The following HEXB variants were observed in gnomAD, a reference collection of about 807,000 sequenced individuals.
HEXB encodes the protein beta-hexosaminidase subunit beta.
HEXB carries 51 observed loss-of-function variants against 71.2 expected under a neutral mutation model. The ratio of observed to expected loss-of-function variants is 0.72; its 90% CI spans 0.57 to 0.90. The LOEUF is 0.90. Ranked by LOEUF, HEXB falls within the 40% of genes least tolerant of loss-of-function variation. The pLI is 0.00. For missense variants in HEXB, 617 were observed against 677.0 expected, an observed-to-expected ratio of 0.91 and a Z score of 0.98; for synonymous variants, 266 against 249.3, an observed-to-expected ratio of 1.07 and a Z score of -0.63.
chr5:74,678,818 T>G (rs889312276), intron 1 of HEXB, among the ~76,000 whole-genome samples: 1 of 152,152 alleles, frequency 6.6e-6, no homozygotes, highest in Admixed American at 6.5e-5. Flanking sequence ...CACAGATGGA[T>G]ACTCCATTTA....
chr5:74,657,080 CT>C (rs1267825799), intron 1 of HEXB, among the ~76,000 whole-genome samples: 1 of 152,142 alleles, frequency 6.6e-6, no homozygotes, highest in Non-Finnish European at 1.5e-5. Context: ...ACAGTCACCC[CT>C]GGTCAACACA....
rs1554037336 is a variant in HEXB, at chr5:74,721,192, A to G, written c.*17A>G. The stretch of plus-strand genomic sequence containing the variant: ...AACATGTAAAAAATGGAGGGGAAAA[A>G]GGCCACAGCAATCTGTACTACAATC... On this transcript the variant is annotated 3_prime_UTR_variant, in exon 14 of 14. Coordinates refer to ENST00000261416, the MANE Select transcript of HEXB (RefSeq NM_000521.4). The G allele has an allele frequency of 1.1e-5, 18 of 1,591,112 alleles. No individual in the cohort carries two copies. Among genetic ancestry groups the G allele is most frequent in the Non-Finnish European group, 1.6e-5 (18 of 1,159,196 alleles).
At chr5:74,669,926 T>C (rs1748501302) in intron 1 of HEXB, among the ~76,000 whole-genome samples, 1 of 152,190 alleles carries the variant, frequency 6.6e-6, no homozygotes, top group Admixed American at 6.5e-5. Flanking sequence ...GAACTTCCCA[T>C]GTGCAATACC....
chr5:74,718,747 T>C, intron 10 of HEXB, 50 bp from the exon 11 acceptor site: 1 of 1,543,706 alleles, frequency 6.5e-7, no homozygotes, highest in Non-Finnish European at 9.0e-7. Context: ...TTCAATTTCA[T>C]CTACTGTTCT....
chr5:74,649,738 C>T (rs982550484), intron 1 of HEXB, among the ~76,000 whole-genome samples: 3 of 152,160 alleles, frequency 2.0e-5, no homozygotes, highest in Non-Finnish European at 2.9e-5. Flanking sequence ...TTTTAATCCA[C>T]TTGTACTCTT....
chr5:74,699,310 G>A (rs1036401584), intron 5 of HEXB, among the ~76,000 whole-genome samples: 1 of 151,230 alleles, frequency 6.6e-6, no homozygotes, highest in African/African-American at 2.4e-5. Flanking sequence ...GTCTCGCTGT[G>A]TTACCCAGGC....
intron 11 of HEXB, 64 bp downstream of exon 11, chr5:74,719,035 C>A: frequency 6.7e-7 from 1 of 1,495,946 alleles, no homozygotes. Flanking sequence ...GTGAAGCAAC[C>A]ATTGTTACCT....
intron 1 of HEXB, among the ~76,000 whole-genome samples, chr5:74,668,163 T>C (rs965590436): frequency 3.3e-5 from 5 of 152,208 alleles, no homozygotes; most frequent in Non-Finnish European, 7.3e-5. Flanking sequence ...TCAGGAGAGT[T>C]GCAGCCATAC....
intron 1 of HEXB, among the ~76,000 whole-genome samples, chr5:74,667,368 G>A (rs546397142): frequency 3.3e-5 from 5 of 151,872 alleles, no homozygotes; most frequent in East Asian, 1.9e-4. Context: ...GTGGTAAGCC[G>A]AAATCACGCC....
At chr5:74,715,358 TG>T in intron 7 of HEXB, 151 bp from the exon 8 acceptor site, 1 of 626,090 alleles carries the variant, frequency 1.6e-6, no homozygotes, top group Non-Finnish European at 2.8e-6. Flanking sequence ...CCTTCTTATC[TG>T]GAAGAAATTA....
At chr5:74,706,473 C>T (rs529837013) in intron 6 of HEXB, among the ~76,000 whole-genome samples, 92 of 152,280 alleles carry the variant, frequency 6.0e-4, no homozygotes, top group African/African-American at 1.4e-3. Flanking sequence ...GCATCATGCG[C>T]GAGCCGAAGC....
rs139662054 is a variant in HEXB, at chr5:74,701,108, C to T, written c.669+4002C>T. 4.2e-4 allele frequency among the ~76,000 whole-genome samples: 63 copies of T among 151,614 alleles called. 1 individual carries two copies. In the East Asian group the frequency reaches 9.1e-3, roughly 22 times the overall value. On this transcript the variant is annotated intron_variant, in intron 5 of 13. Transcript: ENST00000261416. ...ACATTTCCCAGGTTGGTCTTAAACT[C>T]CTGAGCTCAGGCGATCCACCTGCCT...
intron 11 of HEXB, among the ~76,000 whole-genome samples, chr5:74,719,463 T>G (rs1749761463): frequency 6.6e-6 from 1 of 152,164 alleles, no homozygotes; most frequent in Non-Finnish European, 1.5e-5. Context: ...AGCTTCAGGC[T>G]CTCAGATCCC....
chr5:74,720,897 T>C (rs747653939), intron 13 of HEXB, 150 bp downstream of exon 13: 95 of 794,652 alleles, frequency 1.2e-4, no homozygotes, highest in Non-Finnish European at 1.3e-4. Flanking sequence ...CCTGTAAAGA[T>C]ATATTCAGAC....
intron 1 of HEXB, among the ~76,000 whole-genome samples, chr5:74,667,313 G>A (rs1187001574): frequency 6.6e-6 from 1 of 152,058 alleles, no homozygotes; most frequent in East Asian, 1.9e-4. Flanking sequence ...CAGCTATTCA[G>A]GAGGCTGAGG....
upstream of HEXB, among the ~76,000 whole-genome samples, chr5:74,680,450 G>T (rs1037240578): frequency 2.6e-5 from 4 of 152,192 alleles, no homozygotes; most frequent in Admixed American, 6.5e-5. Flanking sequence ...TGTACTTGAA[G>T]AACTTTAAGG....
rs762226159 is a variant in HEXB at position 74,689,455 on chromosome 5, A to G, written c.427A>G (p.Ile143Val). Reference protein sequence around the residue: ...LQSECDAFPNISSDESYTLLV... With the variant: ...LQSECDAFPNVSSDESYTLLV... Reference sequence around the variant, plus strand: ...GTCAGAGTGTGATGCTTTCCCCAACATATCTTCAGATGAGTCTTGTAAGTA... The same window carrying G: ...GTCAGAGTGTGATGCTTTCCCCAACGTATCTTCAGATGAGTCTTGTAAGTA... Residue 143 changes from isoleucine (I) to valine (V), a missense_variant, in exon 2 of 14, where the codon ATA becomes GTA. Physicochemically the swap from Ile to Val is conservative, Grantham distance 29 (BLOSUM62 3). Coordinates refer to ENST00000261416, the MANE Select transcript of HEXB (RefSeq NM_000521.4). 2 of 1,613,550 alleles carry G rather than the reference A, an allele frequency of 1.2e-6. No individual in the cohort carries two copies. Among genetic ancestry groups the G allele is most frequent in the Non-Finnish European group, 1.7e-6 (2 of 1,179,490 alleles).
chr5:74,653,474 G>T (rs928183162), intron 1 of HEXB, among the ~76,000 whole-genome samples: 7 of 152,172 alleles, frequency 4.6e-5, no homozygotes, highest in African/African-American at 1.7e-4. Context: ...AAACCATTGG[G>T]TCAGCAAGCT....
intron 6 of HEXB, among the ~76,000 whole-genome samples, chr5:74,709,720 T>A (rs1749492198): frequency 6.6e-6 from 1 of 151,984 alleles, no homozygotes; most frequent in Non-Finnish European, 1.5e-5. Flanking sequence ...ACACATATAC[T>A]CTCCCAAGAC....
Sources: allele counts gnomAD v4.1 joint callset (sites outside exome capture counted in the v4.1 genomes callset), GRCh38; gene constraint gnomAD v4.1.1; transcripts MANE v1.5; gene names NCBI Gene and HGNC (gene_info 2026-07-23, HGNC 2026-07-21).